KDM4B: variants seen among roughly 807,000 people sequenced by gnomAD.
KDM4B encodes the protein lysine demethylase 4B, also known as lysine-specific demethylase 4B.
A neutral mutation model predicts 125.2 loss-of-function variants in KDM4B; 32 were observed. The ratio of observed to expected loss-of-function variants is 0.26; its 90% CI spans 0.19 to 0.34. The LOEUF is 0.34. KDM4B is among the 10% of genes least tolerant of loss of function. The probability of loss-of-function intolerance (pLI) is 1.00; values close to 1 mark genes in which losing one functional copy is unlikely to be tolerated. For synonymous variants in KDM4B, 721 were observed against 677.9 expected (o/e 1.06, Z -0.99); for missense variants, 1,190 against 1,577.7 (o/e 0.75, Z 4.16).
chr19:4,973,076 CCAGA>C (rs904532741), intron 1 of KDM4B, among the ~76,000 whole-genome samples: 2 of 152,218 alleles, frequency 1.3e-5, no homozygotes, highest in African/African-American at 4.8e-5. Flanking sequence ...TGTCGATTTG[CCAGA>C]CAGTTTTCTT....
chr19:5,150,402 C>T lies in KDM4B; in HGVS notation c.3066C>T (p.Asp1022=). 6.4e-7 allele frequency: 1 copy of T among 1,551,360 alleles called. No homozygotes were observed. The highest frequency in any genetic ancestry group is 8.7e-7 in the Non-Finnish European group (1 of 1,146,966). ...DGSQLTVKRG[D]IFTLEEELPK... ...CCCAGCTGACGGTGAAGCGTGGGGACATCTTCACCCTGGAGGAGGAGCTGC... is the reference window on the plus strand; with the variant it reads ...CCCAGCTGACGGTGAAGCGTGGGGATATCTTCACCCTGGAGGAGGAGCTGC... Residue 1022 remains aspartate (D), a synonymous_variant, in exon 22 of 23, where the codon GAC becomes GAT. Coordinates refer to ENST00000159111, the MANE Select transcript of KDM4B (RefSeq NM_015015.3).
At chr19:5,091,336 T>C (rs1374001038) in intron 9 of KDM4B, among the ~76,000 whole-genome samples, 3 of 152,206 alleles carry the variant, frequency 2.0e-5, no homozygotes. Flanking sequence ...CTCTCTTAAC[T>C]GGTTCCCTGC....
chr19:5,023,758 A>ATTTTTTT (rs148293792), intron 2 of KDM4B, among the ~76,000 whole-genome samples: 7 of 89,110 alleles, frequency 7.9e-5, no homozygotes, highest in Non-Finnish European at 1.0e-4. Context: ...GTCTTTTTGA[A>ATTTTTTT]TTTTTTTTTT....
At chr19:5,003,405 C>T (rs2035453511) in intron 1 of KDM4B, among the ~76,000 whole-genome samples, 1 of 152,122 alleles carries the variant, frequency 6.6e-6, no homozygotes, top group African/African-American at 2.4e-5. Flanking sequence ...TGCTTGAACC[C>T]AGGAGGCGGA....
chr19:4,978,406 C>A (rs1180424698), intron 1 of KDM4B, among the ~76,000 whole-genome samples: 1 of 137,316 alleles, frequency 7.3e-6, no homozygotes, highest in East Asian at 2.4e-4. Context: ...ACTCGGGAGG[C>A]TGAGGGAGGA....
rs1229475625 is a variant in KDM4B at position 4,971,322 on chromosome 19, G to A, written c.-109+2092G>A. Among the ~76,000 whole-genome samples, 2 of 152,082 alleles carry A rather than the reference G, an allele frequency of 1.3e-5. No individual in the cohort carries two copies. Among genetic ancestry groups the A allele is most frequent in the African/African-American group, 2.4e-5 (1 of 41,400 alleles). ...CTGCCCTGTCTTCAGTCCCTGTCCC[G>A]TCCTGCAGGAGCCCTCTGGGGTGGC... is the stretch of plus-strand genomic sequence containing the variant. On this transcript the variant is annotated intron_variant, in intron 1 of 22. Coordinates refer to ENST00000159111, the MANE Select transcript of KDM4B (RefSeq NM_015015.3). The surrounding 1 kb of genome is among the most constrained non-coding windows in gnomAD (Gnocchi z 4.1).
Position 5,141,361 on chromosome 19 carries a change from T to C in KDM4B, c.2551-2606T>C, listed in dbSNP as rs2039739749. 1 of 152,158 alleles carries C rather than the reference T, an allele frequency of 6.6e-6. No homozygotes were observed. The highest frequency in any genetic ancestry group is 6.5e-5 in the Admixed American group (1 of 15,280). 9.4% of individuals were successfully genotyped at this position (152,158 alleles called of 1,614,324 possible). ...ACAAACGTGGGCGTAAAAGGCCTCATGATTCAGGTGGAGTGATGGTGCGAT... is the reference window on the plus strand; with the variant it reads ...ACAAACGTGGGCGTAAAAGGCCTCACGATTCAGGTGGAGTGATGGTGCGAT... On this transcript the variant is annotated intron_variant, in intron 18 of 22. Transcript: ENST00000159111. The surrounding 1 kb of genome is among the most constrained non-coding windows in gnomAD (Gnocchi z 6.4).
intron 1 of KDM4B, among the ~76,000 whole-genome samples, chr19:4,970,858 C>T (rs375261972): frequency 6.6e-6 from 1 of 152,170 alleles, no homozygotes; most frequent in Non-Finnish European, 1.5e-5. Flanking sequence ...CTGGGACTTG[C>T]CAGCCTCGTC....
rs141506843 is a variant in KDM4B at position 5,092,973 on chromosome 19, G to C, written c.918+10469G>C. 3.3e-3 allele frequency among the ~76,000 whole-genome samples: 504 copies of C among 152,318 alleles called. 6 individuals carry two copies. The highest frequency in any genetic ancestry group is 0.012 in the African/African-American group (480 of 41,582). On this transcript the variant is annotated intron_variant, in intron 9 of 22. Coordinates refer to ENST00000159111, the MANE Select transcript of KDM4B (RefSeq NM_015015.3). ...ACCACATGTCCTCTCCCCACCCAAGGTGTGACCCTTCATGGGGCCTGTGGT... is the reference window on the plus strand; with the variant it reads ...ACCACATGTCCTCTCCCCACCCAAGCTGTGACCCTTCATGGGGCCTGTGGT...
intron 11 of KDM4B, among the ~76,000 whole-genome samples, chr19:5,122,397 G>C (rs1158252793): frequency 6.6e-6 from 1 of 152,160 alleles, no homozygotes; most frequent in Non-Finnish European, 1.5e-5. Flanking sequence ...CCACGGGAGG[G>C]GACAGATTCC....
chr19:5,052,230 A>G (rs2037250114), intron 6 of KDM4B, among the ~76,000 whole-genome samples: 1 of 151,964 alleles, frequency 6.6e-6, no homozygotes, highest in Admixed American at 6.6e-5. Context: ...TCTTGCTGCC[A>G]GGGAAACTTG....
chr19:5,131,660 G>GGCAGGTGGGGC, intron 12 of KDM4B, 115 bp downstream of exon 12: 3 of 628,616 alleles, frequency 4.8e-6, no homozygotes, highest in East Asian at 2.8e-5. Flanking sequence ...GGGAGGAGGG[G>GGCAGGTGGGGC]ACAGGAGGGC....
At chr19:5,060,809 C>T (rs934956638) in intron 6 of KDM4B, among the ~76,000 whole-genome samples, 1 of 152,202 alleles carries the variant, frequency 6.6e-6, no homozygotes, top group Admixed American at 6.5e-5. Flanking sequence ...TCCCCTGTGA[C>T]GGGCACTCTC....
At position 5,110,768 on chromosome 19, in the gene KDM4B, G is replaced by A; in HGVS notation, c.1065G>A (p.Leu355=). Residue 355 remains leucine (L), a synonymous_variant, in exon 10 of 23, where the codon CTG becomes CTA. Coordinates refer to ENST00000159111, the MANE Select transcript of KDM4B (RefSeq NM_015015.3). ...CCACGGCGCTCACCAGCCCCGAGCT[G>A]AGCTCCTGGAGTGCATCCCGGGCCT... ...TRPTALTSPE[L]SSWSASRASL... is the part of the protein sequence containing the mutation. 6.2e-7 allele frequency: 1 copy of A among 1,608,388 alleles called. No individual in the cohort carries two copies. The highest frequency in any genetic ancestry group is 8.5e-7 in the Non-Finnish European group (1 of 1,177,672).
At chr19:5,117,210 G>A (rs897937800) in intron 10 of KDM4B, among the ~76,000 whole-genome samples, 7 of 152,130 alleles carry the variant, frequency 4.6e-5, no homozygotes, top group African/African-American at 1.7e-4. Flanking sequence ...GGACAGTTCT[G>A]GGGCCCTCTG....
chr19:4,974,644 A>C (rs1254650411), intron 1 of KDM4B, among the ~76,000 whole-genome samples: 1 of 151,398 alleles, frequency 6.6e-6, no homozygotes, highest in African/African-American at 2.4e-5. Flanking sequence ...ATGTGGGGGC[A>C]CGAGAATCTC....
chr19:5,032,472 G>A (rs1356219706), intron 2 of KDM4B, among the ~76,000 whole-genome samples: 6 of 152,346 alleles, frequency 3.9e-5, no homozygotes, highest in East Asian at 1.9e-4. Flanking sequence ...TCGAAAACCC[G>A]CAGATGCCGC....
intron 1 of KDM4B, among the ~76,000 whole-genome samples, chr19:5,011,581 G>C (rs935814232): frequency 1.3e-5 from 2 of 152,146 alleles, no homozygotes; most frequent in South Asian, 2.1e-4. Flanking sequence ...GCTTGTGGCC[G>C]TGGGAGAGGC....
chr19:5,008,498 G>T (rs947108101), intron 1 of KDM4B, among the ~76,000 whole-genome samples: 6 of 152,148 alleles, frequency 3.9e-5, no homozygotes, highest in African/African-American at 1.4e-4. Context: ...AACATATAGA[G>T]ACCCAGATTA....
Sources: allele counts gnomAD v4.1 joint callset (sites outside exome capture counted in the v4.1 genomes callset), GRCh38; gene constraint gnomAD v4.1.1; non-coding constraint Gnocchi (gnomAD v3.1); transcripts MANE v1.5; gene names NCBI Gene and HGNC (gene_info 2026-07-23, HGNC 2026-07-21).